The following SLC24A2 variants were observed in gnomAD, a reference collection of about 807,000 sequenced individuals.
SLC24A2 encodes solute carrier family 24 member 2, also known as sodium/potassium/calcium exchanger 2.
Under a neutral mutation model 62.0 loss-of-function variants are expected in SLC24A2, and 36 were observed. The observed-to-expected ratio is 0.58, with a 90% CI of 0.44 to 0.77. The LOEUF (loss-of-function observed/expected upper bound fraction) is 0.77, where lower values mean the gene tolerates loss of function less well. SLC24A2 is among the 30% of genes least tolerant of loss of function. The pLI, the probability that SLC24A2 is intolerant of heterozygous loss-of-function variation, is 0.00. For synonymous variants in SLC24A2, 358 were observed against 294.0 expected (o/e 1.22, Z -2.23); for missense variants, 846 against 817.9 (o/e 1.03, Z -0.42).
At chr9:19,667,620 A>C (rs1235463428) in intron 2 of SLC24A2, among the ~76,000 whole-genome samples, 2 of 152,062 alleles carry the variant, frequency 1.3e-5, no homozygotes, top group African/African-American at 2.4e-5. Flanking sequence ...GAGCTTTCTA[A>C]ATTGCCCCAT....
At chr9:19,654,911 A>C (rs1287687868) in intron 2 of SLC24A2, among the ~76,000 whole-genome samples, 3 of 152,190 alleles carry the variant, frequency 2.0e-5, no homozygotes, top group African/African-American at 7.2e-5. Flanking sequence ...CATGTCTGCA[A>C]CATGCATGTG....
intron 10 of SLC24A2, among the ~76,000 whole-genome samples, chr9:19,518,080 T>C (rs1833023058): frequency 6.6e-6 from 1 of 152,182 alleles, no homozygotes; most frequent in African/African-American, 2.4e-5. Flanking sequence ...GAATTAAGTA[T>C]AAAAATAACT....
At chr9:20,162,414 C>A in the SLC24A2 span, among the ~76,000 whole-genome samples, 2 of 151,912 alleles carry the variant, frequency 1.3e-5, no homozygotes, top group African/African-American at 4.8e-5. Flanking sequence ...CATACACCCT[C>A]CCAAGACTAA....
chr9:19,612,861 A>G (rs1412542835), intron 4 of SLC24A2, among the ~76,000 whole-genome samples: 1 of 152,130 alleles, frequency 6.6e-6, no homozygotes, highest in Non-Finnish European at 1.5e-5. Context: ...ACAAACAAAA[A>G]CAACTGATAA....
At chr9:19,788,405 G>C (rs927313572) in intron 1 of SLC24A2, 8 of 667,124 alleles carry the variant, frequency 1.2e-5, no homozygotes, top group Non-Finnish European at 1.1e-5. Flanking sequence ...CCCACCGCTC[G>C]TCTCCCCGGG....
At chr9:20,294,202 G>C in the SLC24A2 span, among the ~76,000 whole-genome samples, 1 of 152,208 alleles carries the variant, frequency 6.6e-6, no homozygotes, top group South Asian at 2.1e-4. Context: ...CATATCTGTA[G>C]GCTGCACCCT....
At chr9:20,052,650 G>A in the SLC24A2 span, among the ~76,000 whole-genome samples, 2 of 152,110 alleles carry the variant, frequency 1.3e-5, no homozygotes, top group Non-Finnish European at 2.9e-5. Context: ...CGACATTGCT[G>A]GTGAGGACTC....
At chr9:19,944,965 C>G in the SLC24A2 span, among the ~76,000 whole-genome samples, 1 of 152,138 alleles carries the variant, frequency 6.6e-6, no homozygotes, top group Non-Finnish European at 1.5e-5. Flanking sequence ...TATCAGTAAT[C>G]TCTCTCTAAT....
the SLC24A2 span, among the ~76,000 whole-genome samples, chr9:19,841,444 A>G: frequency 2.0e-5 from 3 of 152,156 alleles, no homozygotes; most frequent in African/African-American, 7.2e-5. Context: ...AGGCAGACAC[A>G]TACCTGGTCT....
At chr9:19,597,731 C>T (rs1421811784) in intron 4 of SLC24A2, among the ~76,000 whole-genome samples, 1 of 152,212 alleles carries the variant, frequency 6.6e-6, no homozygotes, top group African/African-American at 2.4e-5. Flanking sequence ...TTTTCTCCAA[C>T]AGAACCATTT....
chr9:19,920,565 C>T, the SLC24A2 span, among the ~76,000 whole-genome samples: 4 of 152,104 alleles, frequency 2.6e-5, no homozygotes, highest in African/African-American at 7.2e-5. Flanking sequence ...CAACGTACCG[C>T]TATGGGCTAC....
intron 4 of SLC24A2, among the ~76,000 whole-genome samples, chr9:19,610,498 A>C (rs1837124969): frequency 6.6e-6 from 1 of 152,242 alleles, no homozygotes; most frequent in Non-Finnish European, 1.5e-5. Context: ...AAACGAGAGA[A>C]GAACAAAGCA....
At chr9:20,232,585 C>T in the SLC24A2 span, among the ~76,000 whole-genome samples, 4 of 152,028 alleles carry the variant, frequency 2.6e-5, no homozygotes, top group Non-Finnish European at 4.4e-5. Context: ...AGTGATATCC[C>T]CTTTATCATT....
chr9:20,215,316 C>G, the SLC24A2 span, among the ~76,000 whole-genome samples: 1 of 152,162 alleles, frequency 6.6e-6, no homozygotes, highest in Non-Finnish European at 1.5e-5. Flanking sequence ...AGAATTTCAA[C>G]GTATGAATTT....
At chr9:20,234,670 G>T in the SLC24A2 span, among the ~76,000 whole-genome samples, 2 of 152,268 alleles carry the variant, frequency 1.3e-5, no homozygotes, top group Admixed American at 1.3e-4. Context: ...CCATTGGTTT[G>T]AATTTCCTCC....
chr9:19,792,294 T>C (rs1246320292), upstream of SLC24A2, among the ~76,000 whole-genome samples: 3 of 152,210 alleles, frequency 2.0e-5, no homozygotes, highest in African/African-American at 7.2e-5. Flanking sequence ...CAAGTAGCTC[T>C]GGAGTCATAG....
the SLC24A2 span, among the ~76,000 whole-genome samples, chr9:20,145,601 ATGTGTGTGTGTGTGTGTG>A: frequency 1.4e-5 from 2 of 146,036 alleles, no homozygotes; most frequent in Non-Finnish European, 3.0e-5. Context: ...CATCACATGT[ATGTGTGTGTGTGTGTGTG>A]TGCACGTGTG....
At chr9:19,715,168 G>C (rs1200826874) in intron 2 of SLC24A2, among the ~76,000 whole-genome samples, 1 of 152,068 alleles carries the variant, frequency 6.6e-6, no homozygotes, top group African/African-American at 2.4e-5. Context: ...GTCAAGCTTT[G>C]AACAGAATTA....
the SLC24A2 span, among the ~76,000 whole-genome samples, chr9:19,999,835 T>C: frequency 6.6e-6 from 1 of 152,200 alleles, no homozygotes; most frequent in Non-Finnish European, 1.5e-5. Flanking sequence ...CACCCATGGC[T>C]GAGAATCAAA....
Sources: allele counts gnomAD v4.1 joint callset (sites outside exome capture counted in the v4.1 genomes callset), GRCh38; gene constraint gnomAD v4.1.1; transcripts MANE v1.5; gene names NCBI Gene and HGNC (gene_info 2026-07-23, HGNC 2026-07-21).